The following CDC42BPB variants were observed in gnomAD, a reference collection of about 807,000 sequenced individuals.
CDC42BPB encodes the protein serine/threonine-protein kinase MRCK beta.
In CDC42BPB, 37 loss-of-function variants were observed where a neutral mutation model predicts 214.9. The observed-to-expected ratio is 0.17, with a 90% confidence interval of 0.13 to 0.23. CDC42BPB has a LOEUF of 0.23. Among genes scored for constraint, CDC42BPB ranks in the 10% least tolerant of loss-of-function variants. The probability of loss-of-function intolerance (pLI) is 1.00; values close to 1 mark genes in which losing one functional copy is unlikely to be tolerated. For synonymous variants in CDC42BPB, 931 were observed against 884.0 expected (o/e 1.05, Z -0.94); for missense variants, 1,694 against 2,227.0 (o/e 0.76, Z 4.82).
intron 20 of CDC42BPB, 127 bp from the exon 21 acceptor site, chr14:102,959,837 TTA>T (rs1491165399): frequency 4.2e-6 from 3 of 716,180 alleles, no homozygotes; most frequent in Non-Finnish European, 4.9e-6. Context: ...ATGATCACAA[TTA>T]AAAAAAAAAA....
At chr14:102,996,812 C>CA (rs34138749) in intron 5 of CDC42BPB, among the ~76,000 whole-genome samples, 87,003 of 124,920 alleles carry the variant, frequency 0.7, 29,382 homozygotes, top group South Asian at 0.76. Flanking sequence ...GACTCCATCT[C>CA]AAAAAAAAAA....
chr14:102,976,217 G>A, intron 9 of CDC42BPB, 168 bp from the exon 10 acceptor site: 2 of 985,394 alleles, frequency 2.0e-6, no homozygotes, highest in Non-Finnish European at 1.2e-6. Context: ...TGACCAGATG[G>A]TCAAGGAGAC....
intron 1 of CDC42BPB, among the ~76,000 whole-genome samples, chr14:103,033,504 A>G (rs1357703836): frequency 2.0e-5 from 3 of 152,080 alleles, no homozygotes; most frequent in African/African-American, 7.2e-5. Context: ...TTACAGGTGT[A>G]AGCCACCGCA....
intron 7 of CDC42BPB, among the ~76,000 whole-genome samples, chr14:102,982,827 C>T (rs1165403248): frequency 6.6e-6 from 1 of 151,608 alleles, no homozygotes; most frequent in Non-Finnish European, 1.5e-5. Context: ...TGCAGTGAGC[C>T]GAGACTGCGC....
chr14:102,941,952 G>A (rs749152858), intron 30 of CDC42BPB, among the ~76,000 whole-genome samples: 13 of 152,254 alleles, frequency 8.5e-5, no homozygotes, highest in Non-Finnish European at 1.9e-4. Context: ...GTGCCCGCAG[G>A]AGAGAAGACC....
rs903529716 is a variant in CDC42BPB, at chr14:102,944,862, G to A, written c.3812-375C>T. Among the ~76,000 whole-genome samples, 9 of 152,230 alleles carry A rather than the reference G, an allele frequency of 5.9e-5. No homozygotes were observed. The highest frequency in any genetic ancestry group is 1.9e-4 in the African/African-American group (8 of 41,526). On this transcript the variant is annotated intron_variant, in intron 29 of 36. Coordinates refer to ENST00000361246, the MANE Select transcript of CDC42BPB (RefSeq NM_006035.4). This position sits in a 1 kb window ranked among gnomAD's most constrained non-coding sequence, Gnocchi z 6.6. ...CTGGGCCTCCTTCCAGCTCATCCCCGAACCAGAGGGCCCTCACGCTGCACA... is the reference window on the plus strand; with the variant it reads ...CTGGGCCTCCTTCCAGCTCATCCCCAAACCAGAGGGCCCTCACGCTGCACA...
At chr14:102,942,419 G>A (rs1891937631) in intron 30 of CDC42BPB, among the ~76,000 whole-genome samples, 1 of 152,224 alleles carries the variant, frequency 6.6e-6, no homozygotes, top group Non-Finnish European at 1.5e-5. Flanking sequence ...GAGGGAGAAT[G>A]TCATTCCCCA....
intron 1 of CDC42BPB, among the ~76,000 whole-genome samples, chr14:103,051,154 C>CGGGGGGGGGGGGGGGGGGGGGGGG (rs1179516926): frequency 1.5e-4 from 1 of 6,846 alleles, no homozygotes; most frequent in African/African-American, 4.6e-4. Context: ...GTATTTGGGG[C>CGGGGGGGGGGGGGGGGGGGGGGGG]GGGGGGGCGG....
intron 2 of CDC42BPB, among the ~76,000 whole-genome samples, chr14:103,010,245 C>T (rs1367161408): frequency 6.6e-6 from 1 of 152,170 alleles, no homozygotes; most frequent in African/African-American, 2.4e-5. Flanking sequence ...TGTGATCATG[C>T]CAGCACACTC....
intron 1 of CDC42BPB, among the ~76,000 whole-genome samples, chr14:103,038,299 C>T (rs1887785001): frequency 6.6e-6 from 1 of 151,116 alleles, no homozygotes; most frequent in African/African-American, 2.4e-5. Flanking sequence ...GATCACACCA[C>T]TGCACTCCAG....
intron 36 of CDC42BPB, among the ~76,000 whole-genome samples, chr14:102,934,868 G>T (rs1891573722): frequency 6.6e-6 from 1 of 151,738 alleles, no homozygotes; most frequent in South Asian, 2.1e-4. Context: ...AAATTAGCCT[G>T]GCATGGTGGT....
chr14:102,937,528 C>T (rs117516454), intron 36 of CDC42BPB, among the ~76,000 whole-genome samples: 2,840 of 152,000 alleles, frequency 0.019, 44 homozygotes, highest in Middle Eastern at 0.041. Flanking sequence ...CCAAGGATGG[C>T]GCCGGGGGCT....
Position 102,932,504 on chromosome 14 carries a change from G to C in CDC42BPB, c.*1208C>G, listed in dbSNP as rs982992663. On this transcript the variant is annotated 3_prime_UTR_variant, in exon 37 of 37. Transcript: ENST00000361246. Reference sequence around the variant, plus strand: ...AAAAGTAAAAACCAGAACCCCCCAGGTGCCCATCCAGCAGAAGGCCCAGGA... The same window carrying C: ...AAAAGTAAAAACCAGAACCCCCCAGCTGCCCATCCAGCAGAAGGCCCAGGA... 3.3e-5 allele frequency: 5 copies of C among 152,578 alleles called. No individual in the cohort carries two copies. The East Asian group carries it at 7.7e-4, about 24-fold the overall frequency. The allele number at this position is 152,578 out of a possible 1,614,324, so 9.5% of individuals were successfully genotyped here.
intron 1 of CDC42BPB, among the ~76,000 whole-genome samples, chr14:103,039,261 C>A: frequency 7.9e-6 from 1 of 125,920 alleles, no homozygotes; most frequent in African/African-American, 3.1e-5. Flanking sequence ...CTAAATCATT[C>A]TATAAGGCCA....
rs1327284498 is a variant in CDC42BPB at position 102,967,074 on chromosome 14, C to T, written c.2443G>A (p.Glu815Lys). The change falls in exon 17 of 37, where the codon GAA becomes AAA. Residue 815 changes from glutamate (E) to lysine (K), a missense_variant. By Grantham distance (56) the Glu-to-Lys change is moderately conservative. This residue lies in a region of CDC42BPB where 462 missense variants were observed against 513.5 expected (regional missense o/e 0.90). Transcript: ENST00000361246. ...AAKKESVAHW[E>K]AQIAEIIQWV... ...TGAATGATTTCCGCAATCTGAGCTT[C>T]CCAGTGGGCCACTGACTCCTTCTTG... 2 of 1,614,190 alleles carry T rather than the reference C, an allele frequency of 1.2e-6. No individual in the cohort carries two copies. The highest frequency in any genetic ancestry group is 3.3e-5 in the Admixed American group (2 of 60,026).
chr14:102,951,944 A>G (rs1462562027), intron 24 of CDC42BPB, among the ~76,000 whole-genome samples: 1 of 152,232 alleles, frequency 6.6e-6, no homozygotes, highest in Non-Finnish European at 1.5e-5. Flanking sequence ...TCTACTTCGT[A>G]GTAATTCTCA....
chr14:103,012,530 C>T (rs560547026), intron 1 of CDC42BPB, among the ~76,000 whole-genome samples: 4 of 152,254 alleles, frequency 2.6e-5, no homozygotes, highest in South Asian at 2.1e-4. Context: ...TATGGCCAGG[C>T]GCGGTGGCTC....
chr14:102,956,386 C>T (rs998134347), intron 21 of CDC42BPB: 2 of 931,786 alleles, frequency 2.1e-6, no homozygotes, highest in African/African-American at 3.6e-5. Flanking sequence ...CAAACTGTTT[C>T]TAGTAAAAAC....
At chr14:102,935,552 G>A (rs984163405) in intron 36 of CDC42BPB, among the ~76,000 whole-genome samples, 2 of 152,166 alleles carry the variant, frequency 1.3e-5, no homozygotes, top group East Asian at 1.9e-4. Flanking sequence ...CACTTTGGGA[G>A]GCCAAGGCGG....
Sources: gnomAD v4.1 joint callset for allele counts (sites outside exome capture counted in the v4.1 genomes callset) on GRCh38, gnomAD v4.1.1 for gene constraint, gnomAD v4.1.1 regional missense constraint, Gnocchi (gnomAD v3.1) non-coding constraint, MANE v1.5 for transcripts, NCBI Gene and HGNC (gene_info 2026-07-23, HGNC 2026-07-21) for gene names.